The following NAA20 variants were observed in gnomAD, a reference collection of about 807,000 sequenced individuals.
NAA20 encodes the protein N-alpha-acetyltransferase 20.
A neutral mutation model predicts 23.8 loss-of-function variants in NAA20; 24 were observed. The observed-to-expected ratio is 1.01, with a 90% CI of 0.73 to 1.42. NAA20 has a LOEUF of 1.42. Among genes scored for constraint, NAA20 ranks in the 40% most tolerant of loss-of-function variants. The pLI is 0.00. For synonymous variants in NAA20, 83 were observed against 77.7 expected (o/e 1.07, Z -0.36); for missense variants, 166 against 223.1 (o/e 0.74, Z 1.63).
chr20:20,017,818 C>T (rs2043241916), intron 1 of NAA20: 3 of 1,476,676 alleles, frequency 2.0e-6, no homozygotes, highest in Non-Finnish European at 2.7e-6. Context: ...GGGCTTCTCG[C>T]CCTGCCCTAC....
chr20:20,017,386 GCGGCGGCGCGATGACCA>G lies in NAA20; in HGVS notation c.-8_9del. ...TCTTGGCGAACGGTCTTCGGAAGCG[GCGGCGGCGCGATGACCA>G]CGCTACGGGCCTTTACCTGCGACGA... On this transcript the variant is annotated start_lost and 5_prime_UTR_variant, in exon 1 of 6. Transcript: ENST00000334982. 1 of 1,611,194 alleles carries G rather than the reference GCGGCGGCGCGATGACCA, an allele frequency of 6.2e-7. No homozygotes were observed. The highest frequency in any genetic ancestry group is 1.3e-5 in the African/African-American group (1 of 74,886).
chr20:20,032,002 A>C (rs1293351021), intron 4 of NAA20, among the ~76,000 whole-genome samples: 1 of 152,154 alleles, frequency 6.6e-6, no homozygotes, highest in African/African-American at 2.4e-5. Context: ...TCCTAGCTAT[A>C]GACCTTACGT....
At chr20:20,032,776 C>T in intron 5 of NAA20, 123 bp downstream of exon 5, 1 of 1,265,558 alleles carries the variant, frequency 7.9e-7, no homozygotes, top group Non-Finnish European at 1.0e-6. Flanking sequence ...AAATTTCCCT[C>T]AACCTACCTT....
In NAA20 at chr20:20,033,458, G is replaced by T. The variant is rs1435350027; in HGVS notation, c.*271G>T. Reference sequence around the variant, plus strand: ...ACTCTCATGGTTCATAGTATTCACTGTATGTATGCTAGGGAAAAGACTTGC... The same window carrying T: ...ACTCTCATGGTTCATAGTATTCACTTTATGTATGCTAGGGAAAAGACTTGC... On this transcript the variant is annotated 3_prime_UTR_variant, in exon 6 of 6. Coordinates refer to ENST00000334982, the MANE Select transcript of NAA20 (RefSeq NM_016100.5). 3.1e-6 allele frequency: 1 copy of T among 320,618 alleles called. No homozygotes were observed. The highest frequency in any genetic ancestry group is 5.7e-6 in the Non-Finnish European group (1 of 173,916). 19.9% of individuals were successfully genotyped at this position (320,618 alleles called of 1,614,324 possible).
At chr20:20,025,940 G>A (rs1189894650) in intron 3 of NAA20, among the ~76,000 whole-genome samples, 173 bp downstream of exon 3, 1 of 151,832 alleles carries the variant, frequency 6.6e-6, no homozygotes, top group Admixed American at 6.6e-5. Context: ...AGGCCCAGGC[G>A]ATAACGGCAG....
chr20:20,017,331 C>A (rs2043237659), upstream of NAA20: 6 of 1,599,194 alleles, frequency 3.8e-6, no homozygotes, highest in Admixed American at 3.4e-5. Flanking sequence ...GGCCACGCTC[C>A]GGGAGACTTC....
At chr20:20,018,424 G>T in intron 1 of NAA20, 1 of 218,220 alleles carries the variant, frequency 4.6e-6, no homozygotes, top group Non-Finnish European at 9.4e-6. Context: ...AAGTGGTTCC[G>T]ATTCAAGTGT....
At chr20:20,021,861 T>C (rs74650410) in intron 1 of NAA20, among the ~76,000 whole-genome samples, 3,477 of 152,246 alleles carry the variant, frequency 0.023, 65 homozygotes, top group Non-Finnish European at 0.033. Flanking sequence ...AATGGTGTGC[T>C]GGGATGTGCT....
At chr20:20,020,764 G>A (rs1568745135) in intron 1 of NAA20, among the ~76,000 whole-genome samples, 1 of 152,204 alleles carries the variant, frequency 6.6e-6, no homozygotes, top group African/African-American at 2.4e-5. Flanking sequence ...GAGGTGAGAG[G>A]AGAACCCCAT....
At position 20,017,838 on chromosome 20, in the gene NAA20, G is replaced by C. The variant is rs1033874307; in HGVS notation, c.53+389G>C. On this transcript the variant is annotated intron_variant, in intron 1 of 5. Transcript: ENST00000334982. ...TCTCGCCCTGCCCTACTGCTTGCTG[G>C]TTCGTGGCCGGGCCGCGCCTCTTCT... 4.6e-6 allele frequency: 7 copies of C among 1,517,098 alleles called. No individual in the cohort carries two copies. In the African/African-American group the frequency reaches 9.5e-5, roughly 21 times the overall value. 94.0% of individuals were successfully genotyped at this position (1,517,098 alleles called of 1,614,324 possible).
chr20:20,021,553 G>A (rs372884037), intron 1 of NAA20, among the ~76,000 whole-genome samples: 2 of 152,100 alleles, frequency 1.3e-5, no homozygotes, highest in African/African-American at 4.8e-5. Flanking sequence ...TATTATTTTT[G>A]AGTGAATATT....
rs1237793413 is a variant in NAA20, at chr20:20,026,841, CTCTG to C, written c.233_236del (p.Ser78LeufsTer18). 6.2e-7 allele frequency: 1 copy of C among 1,614,186 alleles called. No individual in the cohort carries two copies. The highest frequency in any genetic ancestry group is 8.5e-7 in the Non-Finnish European group (1 of 1,180,024). On this transcript the variant is annotated frameshift_variant, in exon 4 of 6. Transcript: ENST00000334982. LOFTEE classifies it high-confidence loss of function. The stretch of plus-strand genomic sequence containing the variant: ...GAAGAATGGCACGGGCACGTCACAG[CTCTG>C]TCTGTTGCCCCAGAATTTCGACGCC...
chr20:20,017,326 C>G (rs1203384868), upstream of NAA20: 5 of 1,593,166 alleles, frequency 3.1e-6, no homozygotes, highest in African/African-American at 1.3e-5. Context: ...GCGGCGGCCA[C>G]GCTCCGGGAG....
intron 4 of NAA20, among the ~76,000 whole-genome samples, chr20:20,028,682 TA>T (rs1205953425): frequency 6.6e-6 from 1 of 152,176 alleles, no homozygotes; most frequent in African/African-American, 2.4e-5. Context: ...CATATACACA[TA>T]CATGATACAT....
upstream of NAA20, chr20:20,017,299 C>T (rs1185095402): frequency 2.0e-6 from 3 of 1,514,186 alleles, no homozygotes; most frequent in Non-Finnish European, 2.7e-6. Flanking sequence ...AAGCAGTACC[C>T]CGTCTCGCTC....
chr20:20,018,332 T>G, intron 1 of NAA20: 1 of 494,480 alleles, frequency 2.0e-6, no homozygotes, highest in Non-Finnish European at 3.7e-6. Context: ...TTTGCTACGC[T>G]GGTATCTCTC....
At chr20:20,018,163 C>A in intron 1 of NAA20, 2 of 1,445,248 alleles carry the variant, frequency 1.4e-6, no homozygotes, top group South Asian at 1.1e-5. Context: ...GATGCAGTTT[C>A]TTTGGATTCG....
chr20:20,022,273 G>T (rs546384775), intron 1 of NAA20, among the ~76,000 whole-genome samples, 183 bp from the exon 2 acceptor site: 2 of 152,312 alleles, frequency 1.3e-5, no homozygotes, highest in African/African-American at 2.4e-5. Flanking sequence ...TAGTGGCTGT[G>T]ACAGCTTATT....
chr20:20,030,055 C>T (rs2043332759), intron 4 of NAA20, among the ~76,000 whole-genome samples: 1 of 152,274 alleles, frequency 6.6e-6, no homozygotes, highest in East Asian at 1.9e-4. Context: ...TTTTACTAAA[C>T]ATTTAAGAAA....
Sources: gnomAD v4.1 joint callset for allele counts (sites outside exome capture counted in the v4.1 genomes callset) on GRCh38, gnomAD v4.1.1 for gene constraint, MANE v1.5 for transcripts, NCBI Gene and HGNC (gene_info 2026-07-23, HGNC 2026-07-21) for gene names.